The following ELK3 variants were observed in gnomAD, a reference collection of about 807,000 sequenced individuals.
ELK3 encodes the protein ETS domain-containing protein Elk-3.
ELK3 carries 10 observed loss-of-function variants against 28.9 expected under a neutral mutation model. The observed-to-expected ratio is 0.35, with a 90% confidence interval of 0.21 to 0.59. The LOEUF (loss-of-function observed/expected upper bound fraction) is 0.59, where lower values mean the gene tolerates loss of function less well. Ranked by LOEUF, ELK3 falls within the 20% of genes least tolerant of loss-of-function variation. ELK3 has a pLI of 0.82. For synonymous variants in ELK3, 272 were observed against 243.5 expected, an observed-to-expected ratio of 1.12 and a Z score of -1.09; for missense variants, 463 against 517.3, an observed-to-expected ratio of 0.90 and a Z score of 1.02.
At chr12:96,224,232 A>G (rs562534513) in intron 2 of ELK3, among the ~76,000 whole-genome samples, 1 of 152,352 alleles carries the variant, frequency 6.6e-6, no homozygotes, top group African/African-American at 2.4e-5. Context: ...TAAAACAGGA[A>G]TCAGCATAGG....
chr12:96,230,223 T>C (rs547471401), intron 2 of ELK3, among the ~76,000 whole-genome samples: 2 of 152,320 alleles, frequency 1.3e-5, no homozygotes, highest in East Asian at 1.9e-4. Context: ...CCTGAGAGCA[T>C]ATAGCATAGC....
intron 3 of ELK3, among the ~76,000 whole-genome samples, chr12:96,249,389 G>A (rs982790489): frequency 2.0e-5 from 3 of 152,172 alleles, no homozygotes; most frequent in Non-Finnish European, 2.9e-5. Flanking sequence ...GCGCCACTGC[G>A]GAGGGGGAGG....
chr12:96,267,344 G>C lies in ELK3; in HGVS notation c.*164G>C. 1 of 556,718 alleles carries C rather than the reference G, an allele frequency of 1.8e-6. No homozygotes were observed. The highest frequency in any genetic ancestry group is 3.1e-6 in the Non-Finnish European group (1 of 324,792). 34.5% of individuals were successfully genotyped at this position (556,718 alleles called of 1,614,324 possible). A position where few individuals can be genotyped will look rare whatever the true frequency, so the allele number is the denominator to read the frequency against. ...GATTTATGTTAGCATTTTAAAAACT[G>C]TTTTTGATATATTCAAGTATATATG... On this transcript the variant is annotated 3_prime_UTR_variant, in exon 5 of 5. Coordinates refer to ENST00000228741, the MANE Select transcript of ELK3 (RefSeq NM_005230.4).
intron 1 of ELK3, chr12:96,197,998 A>G (rs1277451731): frequency 6.6e-6 from 1 of 152,154 alleles, no homozygotes; most frequent in Non-Finnish European, 1.5e-5. Flanking sequence ...GTGGGACCCA[A>G]TTATATTTAT....
chr12:96,210,232 C>A (rs1159077188), intron 1 of ELK3, among the ~76,000 whole-genome samples: 1 of 152,198 alleles, frequency 6.6e-6, no homozygotes, highest in Non-Finnish European at 1.5e-5. Flanking sequence ...GTTTCACTGA[C>A]TGCGGAACAG....
Position 96,259,778 on chromosome 12 carries a change from A to G in ELK3, c.1050A>G (p.Ile350Met). Residue 350 changes from isoleucine (I) to methionine (M), a missense_variant, in exon 4 of 5, where the codon ATA becomes ATG. Ile to Met is a conservative substitution (Grantham distance 10, BLOSUM62 1). Transcript: ENST00000228741. ...CTCCGAGTCCACTGCTCTCCAGCAT[A>G]CATTTCTGGAGCAGCCTTAGTCCAG... is the stretch of plus-strand genomic sequence containing the variant. ...LLTPSPLLSS[I>M]HFWSSLSPVA... The G allele has an allele frequency of 1.2e-6, 2 of 1,611,548 alleles. No homozygotes were observed. The highest frequency in any genetic ancestry group is 8.5e-7 in the Non-Finnish European group (1 of 1,179,288).
At chr12:96,220,905 C>T (rs1392983227) in intron 1 of ELK3, among the ~76,000 whole-genome samples, 2 of 152,080 alleles carry the variant, frequency 1.3e-5, no homozygotes, top group Non-Finnish European at 2.9e-5. Flanking sequence ...AGATGATGGG[C>T]GGGTGGGGCT....
chr12:96,259,834 G>A lies in ELK3; in HGVS notation c.1106G>A (p.Gly369Glu). 1 of 1,603,974 alleles carries A rather than the reference G, an allele frequency of 6.2e-7. No homozygotes were observed. Among genetic ancestry groups the A allele is most frequent in the Non-Finnish European group, 8.5e-7 (1 of 1,176,226 alleles). Residue 369 changes from glycine (G) to glutamate (E), a missense_variant, in exon 4 of 5, where the codon GGG (glycine) becomes GAG (glutamate). Coordinates refer to ENST00000228741, the MANE Select transcript of ELK3 (RefSeq NM_005230.4). ...VAPLSPARLQ[G>E]PSTLFQFPTL... ...CCGCTGAGTCCTGCCAGGCTGCAAG[G>A]GCCAAGCACGCTGTTCCAGGTGAGC...
chr12:96,215,504 G>T (rs768099036), intron 1 of ELK3, among the ~76,000 whole-genome samples: 4 of 152,088 alleles, frequency 2.6e-5, no homozygotes, highest in African/African-American at 9.7e-5. Flanking sequence ...GCGGAGGCGG[G>T]CACAGCGTAA....
chr12:96,255,160 GTGAC>G (rs1180938791), intron 3 of ELK3, among the ~76,000 whole-genome samples: 1 of 152,038 alleles, frequency 6.6e-6, no homozygotes, highest in Admixed American at 6.6e-5. Flanking sequence ...GCAGGAGTTG[GTGAC>G]TGACTGGGTG....
Position 96,240,859 on chromosome 12 carries a change from A to G in ELK3, c.208-6081A>G, listed in dbSNP as rs189512742. Among the ~76,000 whole-genome samples the G allele has an allele frequency of 2.1e-3, 313 of 152,338 alleles. 1 individual carries two copies. The highest frequency in any genetic ancestry group is 7.1e-3 in the African/African-American group (295 of 41,578). On this transcript the variant is annotated intron_variant, in intron 2 of 4. Coordinates refer to ENST00000228741, the MANE Select transcript of ELK3 (RefSeq NM_005230.4). The stretch of plus-strand genomic sequence containing the variant: ...GAGGAAAACGGAAGATCAGATAACA[A>G]GACTAAGCACGTGAACTCCAGATGC...
chr12:96,199,993 C>T (rs1951498597), intron 1 of ELK3, among the ~76,000 whole-genome samples: 1 of 152,092 alleles, frequency 6.6e-6, no homozygotes, highest in Non-Finnish European at 1.5e-5. Flanking sequence ...AGAACAATTT[C>T]TGAATATCCA....
chr12:96,224,641 A>G (rs1951687054), intron 2 of ELK3, among the ~76,000 whole-genome samples: 1 of 152,204 alleles, frequency 6.6e-6, no homozygotes. Context: ...GCATTTCTGG[A>G]AAAGCAGTTT....
chr12:96,209,229 TTTATTAAAC>T (rs1329224598), intron 1 of ELK3, among the ~76,000 whole-genome samples: 1 of 152,216 alleles, frequency 6.6e-6, no homozygotes, highest in Non-Finnish European at 1.5e-5. Context: ...GAGATTTTCT[TTTATTAAAC>T]ATATTTTATC....
At position 96,247,477 on chromosome 12, in the gene ELK3, A is replaced by G; in HGVS notation, c.745A>G (p.Asn249Asp). 1.2e-6 allele frequency: 2 copies of G among 1,611,388 alleles called. No homozygotes were observed. Among genetic ancestry groups the G allele is most frequent in the Non-Finnish European group, 8.5e-7 (1 of 1,179,328 alleles). ...ATCTCGGTCCCCGTCCCTGTCCCCC[A>G]ACTCACCCCTCCCTTCTGAACACAG... ...FSSRSPSLSPNSPLPSEHRSL... is the reference protein window; with the variant it reads ...FSSRSPSLSPDSPLPSEHRSL... Residue 249 changes from asparagine (N) to aspartate (D), a missense_variant, in exon 3 of 5, where the codon AAC becomes GAC. Around this residue, in one of 2 missense-constraint regions of ELK3, gnomAD observed 408 missense variants for 414.8 expected, o/e 0.98. Coordinates refer to ENST00000228741, the MANE Select transcript of ELK3 (RefSeq NM_005230.4). The surrounding 1 kb of genome is among the most constrained non-coding windows in gnomAD (Gnocchi z 5.5).
chr12:96,258,281 A>C (rs1159920509), intron 3 of ELK3, among the ~76,000 whole-genome samples: 2 of 152,206 alleles, frequency 1.3e-5, no homozygotes. Context: ...CAAAACATGT[A>C]TTTATTCTAG....
intron 2 of ELK3, among the ~76,000 whole-genome samples, chr12:96,232,474 G>A (rs562535448): frequency 3.7e-4 from 56 of 152,180 alleles, no homozygotes; most frequent in Admixed American, 7.2e-4. Context: ...GGGAGGCTGA[G>A]GCAGGAGAAT....
intron 1 of ELK3, among the ~76,000 whole-genome samples, chr12:96,219,648 C>T (rs1951648535): frequency 6.6e-6 from 1 of 152,222 alleles, no homozygotes; most frequent in Non-Finnish European, 1.5e-5. Context: ...GCATTTTCAT[C>T]ATGCAGATGG....
At chr12:96,261,593 T>TAACA (rs1159416688) in intron 4 of ELK3, among the ~76,000 whole-genome samples, 13 of 152,218 alleles carry the variant, frequency 8.5e-5, no homozygotes, top group African/African-American at 3.1e-4. Flanking sequence ...TCCTAGAATC[T>TAACA]AACACAGAGC....
Sources: allele counts gnomAD v4.1 joint callset (sites outside exome capture counted in the v4.1 genomes callset), GRCh38; gene constraint gnomAD v4.1.1; regional missense constraint gnomAD v4.1.1; non-coding constraint Gnocchi (gnomAD v3.1); transcripts MANE v1.5; gene names NCBI Gene and HGNC (gene_info 2026-07-23, HGNC 2026-07-21).